The following TASOR2 variants were observed in gnomAD, a reference collection of about 807,000 sequenced individuals.
The protein encoded by TASOR2 is protein TASOR 2.
TASOR2 carries 84 observed loss-of-function variants against 199.5 expected under a neutral mutation model. That is an observed-to-expected ratio of 0.42 (90% CI 0.35 to 0.50). TASOR2 has a LOEUF of 0.50. Among genes scored for constraint, TASOR2 ranks in the 20% least tolerant of loss-of-function variants. The pLI, the probability that TASOR2 is intolerant of heterozygous loss-of-function variation, is 0.02. For synonymous variants in TASOR2, 1,103 were observed against 1,046.6 expected (o/e 1.05, Z -1.04); for missense variants, 2,796 against 2,835.9 (o/e 0.99, Z 0.32).
rs1211053481 is a variant in TASOR2 at position 5,751,509 on chromosome 10, GA to G, written c.6606+1483del. 6.6e-6 allele frequency among the ~76,000 whole-genome samples: 1 copy of G among 152,194 alleles called. No individual in the cohort carries two copies. Among genetic ancestry groups the G allele is most frequent in the Non-Finnish European group, 1.5e-5 (1 of 68,048 alleles). On this transcript the variant is annotated intron_variant, in intron 15 of 20. Coordinates refer to ENST00000328090, the Ensembl canonical transcript of TASOR2. The surrounding 1 kb of genome is among the most constrained non-coding windows in gnomAD (Gnocchi z 5.3). The stretch of plus-strand genomic sequence containing the variant: ...TGTTTCTTCATTATTTTAATACTTA[GA>G]TTGTCCCAGACCCAGCCAGTGGGAG...
exon 15 of TASOR2, chr10:5,746,992 C>G (rs756503775): frequency 1.2e-6 from 2 of 1,614,172 alleles, no homozygotes; most frequent in Admixed American, 3.3e-5. Context: ...TCAGAGTCTC[C>G]TCGGCCTATC....
In TASOR2 at chr10:5,748,743, C is replaced by A. The variant is rs750073973; in HGVS notation, c.5322C>A (p.Ser1774=). 8 of 1,614,176 alleles carry A rather than the reference C, an allele frequency of 5.0e-6. No homozygotes were observed. Among genetic ancestry groups the A allele is most frequent in the South Asian group, 4.4e-5 (4 of 91,076 alleles). Reference sequence around the variant, plus strand: ...ACCTCAGTAAAGAGCCTTTGGCCTCCTTTGTTTCAGAATCCTTTGATACTT... The same window carrying A: ...ACCTCAGTAAAGAGCCTTTGGCCTCATTTGTTTCAGAATCCTTTGATACTT... Residue 1774 remains serine, a synonymous_variant, in exon 15 of 21, where the codon TCC becomes TCA. Coordinates refer to ENST00000328090, the Ensembl canonical transcript of TASOR2. This position sits in a 1 kb window ranked among gnomAD's most constrained non-coding sequence, Gnocchi z 5.1.
At chr10:5,717,705 G>A in exon 3 of TASOR2, 1 of 1,225,974 alleles carries the variant, frequency 8.2e-7, no homozygotes, top group Non-Finnish European at 1.0e-6. Flanking sequence ...CAAGACCATG[G>A]TATCATGGGA....
rs1838597350 is a variant in TASOR2 at position 5,754,658 on chromosome 10, G to A, written c.6607-1955G>A. Among the ~76,000 whole-genome samples, 3 of 152,080 alleles carry A rather than the reference G, an allele frequency of 2.0e-5. No individual in the cohort carries two copies. The South Asian group carries it at 6.2e-4, about 31-fold the overall frequency. Reference sequence around the variant, plus strand: ...TAGATATCTTGCTTGTTTCTATAGTGAATGTATTGTTTCATAATATTTTAT... The same window carrying A: ...TAGATATCTTGCTTGTTTCTATAGTAAATGTATTGTTTCATAATATTTTAT... On this transcript the variant is annotated intron_variant, in intron 15 of 20. Coordinates refer to ENST00000328090, the Ensembl canonical transcript of TASOR2. This position sits in a 1 kb window ranked among gnomAD's most constrained non-coding sequence, Gnocchi z 4.3.
At position 5,748,324 on chromosome 10, in the gene TASOR2, T is replaced by A; in HGVS notation, c.4903T>A (p.Ser1635Thr). 2 of 1,614,202 alleles carry A rather than the reference T, an allele frequency of 1.2e-6. No homozygotes were observed. The highest frequency in any genetic ancestry group is 3.3e-5 in the Admixed American group (2 of 60,030). Residue 1635 changes from serine (S) to threonine (T), a missense_variant, in exon 15 of 21, where the codon TCC (serine) becomes ACC (threonine). This residue lies in a region of TASOR2 where 1,941 missense variants were observed against 1,924.9 expected (regional missense o/e 1.01). Coordinates refer to ENST00000328090, the Ensembl canonical transcript of TASOR2. This position sits in a 1 kb window ranked among gnomAD's most constrained non-coding sequence, Gnocchi z 5.1. ...TGAAGGCATTTATCTGCAGGTGAAG[T>A]CCTTGACAGCTGCCTCGGTTGATGG...
chr10:5,760,708 GA>G (rs1839686061), intron 18 of TASOR2: 1 of 152,194 alleles, frequency 6.6e-6, no homozygotes, highest in Non-Finnish European at 1.5e-5. Context: ...ATTAATTCAT[GA>G]TGTTAAGAGT....
Position 5,689,481 on chromosome 10 carries a change from T to C in TASOR2, c.-288+4306T>C, listed in dbSNP as rs1446699181. Among the ~76,000 whole-genome samples, 2 of 152,124 alleles carry C rather than the reference T, an allele frequency of 1.3e-5. No homozygotes were observed. The highest frequency in any genetic ancestry group is 2.9e-5 in the Non-Finnish European group (2 of 68,020). On this transcript the variant is annotated intron_variant, in intron 1 of 20. Coordinates refer to ENST00000328090, the Ensembl canonical transcript of TASOR2. The surrounding 1 kb of genome is among the most constrained non-coding windows in gnomAD (Gnocchi z 4.1). ...CCGGCATGGGGGTGCGCGCCTGTAG[T>C]CCCAGCTACTCGGGAGGCTGAGGCA...
intron 3 of TASOR2, among the ~76,000 whole-genome samples, chr10:5,718,403 A>AG (rs1278959258): frequency 1.3e-5 from 2 of 151,110 alleles, no homozygotes; most frequent in African/African-American, 4.9e-5. Flanking sequence ...AAAAAAAAAA[A>AG]AAAAACAAGA....
In TASOR2 at chr10:5,737,293, T is replaced by G. The variant is rs772737988; in HGVS notation, c.1447+1747T>G. ...GTTTGTTTTTTTTAGTTTTTTTGTTTTTTTTTTCAACTTAAGCATACCCTG... is the reference window on the plus strand; with the variant it reads ...GTTTGTTTTTTTTAGTTTTTTTGTTGTTTTTTTCAACTTAAGCATACCCTG... On this transcript the variant is annotated intron_variant, in intron 12 of 20. Coordinates refer to ENST00000328090, the Ensembl canonical transcript of TASOR2. The surrounding 1 kb of genome is among the most constrained non-coding windows in gnomAD (Gnocchi z 4.9). 7.2e-5 allele frequency among the ~76,000 whole-genome samples: 11 copies of G among 152,064 alleles called. No homozygotes were observed. Among genetic ancestry groups the G allele is most frequent in the Non-Finnish European group, 2.9e-5 (2 of 67,994 alleles).
chr10:5,741,794 G>T (rs895384338), intron 13 of TASOR2, among the ~76,000 whole-genome samples: 1 of 152,196 alleles, frequency 6.6e-6, no homozygotes, highest in Non-Finnish European at 1.5e-5. Flanking sequence ...GAGTGAATTT[G>T]TATGGTGTAA....
In TASOR2 at chr10:5,761,272, C is replaced by A. The variant is rs374562107; in HGVS notation, c.6993-18C>A. On this transcript the variant is annotated intron_variant, in intron 18 of 20. Coordinates refer to ENST00000328090, the Ensembl canonical transcript of TASOR2. ...TAAAACTGAAAAATATTTTAATATG[C>A]CTATGTATCTTTCACAGAGTGGATT... 2.3e-5 allele frequency: 37 copies of A among 1,599,660 alleles called. No homozygotes were observed. The highest frequency in any genetic ancestry group is 6.8e-5 in the Admixed American group (4 of 58,718).
chr10:5,724,966 G>C (rs1489704014), intron 8 of TASOR2, among the ~76,000 whole-genome samples: 1 of 152,064 alleles, frequency 6.6e-6, no homozygotes, highest in Non-Finnish European at 1.5e-5. Flanking sequence ...AGTGTGGACT[G>C]TCCATCTCAA....
Position 5,719,348 on chromosome 10 carries a change from T to C in TASOR2, c.-99-1196T>C, listed in dbSNP as rs772396937. 1.3e-5 allele frequency among the ~76,000 whole-genome samples: 2 copies of C among 152,100 alleles called. No homozygotes were observed. The highest frequency in any genetic ancestry group is 2.9e-5 in the Non-Finnish European group (2 of 68,016). ...GGCTTACTTGCTTTTTATTTTTTTG[T>C]TTGTTTGTTTTTTGAGACAGAGTCT... On this transcript the variant is annotated intron_variant, in intron 3 of 20. Transcript: ENST00000328090. The surrounding 1 kb of genome is among the most constrained non-coding windows in gnomAD (Gnocchi z 4.1).
chr10:5,694,644 G>C (rs535983558), intron 1 of TASOR2, among the ~76,000 whole-genome samples: 1 of 152,226 alleles, frequency 6.6e-6, no homozygotes, highest in South Asian at 2.1e-4. Flanking sequence ...TTACTAAATA[G>C]TTTTCTTTGG....
Position 5,722,575 on chromosome 10 carries a change from A to G in TASOR2, c.147-1102A>G, listed in dbSNP as rs1388340456. On this transcript the variant is annotated intron_variant, in intron 6 of 20. Transcript: ENST00000328090. The surrounding 1 kb of genome is among the most constrained non-coding windows in gnomAD (Gnocchi z 4.0). ...GTTCAGAAAAAAATAATGCGTGTGT[A>G]TAGAGAGAGAGAATGACAAAGCAAA... is the stretch of plus-strand genomic sequence containing the variant. Among the ~76,000 whole-genome samples, 2 of 152,202 alleles carry G rather than the reference A, an allele frequency of 1.3e-5. No individual in the cohort carries two copies. Among genetic ancestry groups the G allele is most frequent in the Admixed American group, 6.5e-5 (1 of 15,284 alleles).
chr10:5,699,774 A>G lies in TASOR2; in HGVS notation c.-287-13049A>G, dbSNP rs1293194418. The G allele has an allele frequency of 1.0e-5, 9 of 891,704 alleles. No homozygotes were observed. In the South Asian group the frequency reaches 3.6e-4, roughly 36 times the overall value. 55.2% of individuals were successfully genotyped at this position (891,704 alleles called of 1,614,324 possible). The stretch of plus-strand genomic sequence containing the variant: ...TTACCACAATTTTGATAATGCAAAG[A>G]AAGAAAACAAAAGATAGACAGGAGA... On this transcript the variant is annotated intron_variant, in intron 1 of 20. Coordinates refer to ENST00000328090, the Ensembl canonical transcript of TASOR2. This position sits in a 1 kb window ranked among gnomAD's most constrained non-coding sequence, Gnocchi z 4.1.
chr10:5,756,892 C>G (rs1839040299), intron 16 of TASOR2, among the ~76,000 whole-genome samples, 154 bp downstream of exon 17: 1 of 152,000 alleles, frequency 6.6e-6, no homozygotes, highest in South Asian at 2.1e-4. Context: ...TAGAATACTG[C>G]AATATTACCA....
At chr10:5,694,390 A>T (rs945151810) in intron 1 of TASOR2, among the ~76,000 whole-genome samples, 4 of 152,242 alleles carry the variant, frequency 2.6e-5, no homozygotes, top group Admixed American at 2.0e-4. Flanking sequence ...ACCCTACTGT[A>T]TAACAGGCAC....
intron 1 of TASOR2, among the ~76,000 whole-genome samples, chr10:5,693,417 T>G (rs4750644): frequency 6.6e-6 from 1 of 152,254 alleles, no homozygotes; most frequent in South Asian, 2.1e-4. Flanking sequence ...TAAACTCGTA[T>G]GTGGCAAGAA....
Sources: gnomAD v4.1 joint callset for allele counts (sites outside exome capture counted in the v4.1 genomes callset) on GRCh38, gnomAD v4.1.1 for gene constraint, gnomAD v4.1.1 regional missense constraint, Gnocchi (gnomAD v3.1) non-coding constraint, MANE v1.5 for transcripts, NCBI Gene and HGNC (gene_info 2026-07-23, HGNC 2026-07-21) for gene names.